TMEM232: variants seen among roughly 807,000 people sequenced by gnomAD.
The protein encoded by TMEM232 is transmembrane protein 232.
TMEM232 carries 80 observed loss-of-function variants against 78.8 expected under a neutral mutation model. That is an observed-to-expected ratio of 1.01 (90% confidence interval 0.85 to 1.22). The LOEUF (loss-of-function observed/expected upper bound fraction) is 1.22. TMEM232 is among the 50% of genes most tolerant of loss of function. The pLI, the probability that TMEM232 is intolerant of heterozygous loss-of-function variation, is 0.00. For missense variants in TMEM232, 881 were observed against 742.2 expected (o/e 1.19, Z -2.17); for synonymous variants, 297 against 254.3 (o/e 1.17, Z -1.60).
intron 10 of TMEM232, among the ~76,000 whole-genome samples, chr5:110,570,774 A>G (rs778800310): frequency 1.3e-5 from 2 of 151,952 alleles, no homozygotes; most frequent in African/African-American, 2.4e-5. Context: ...AAATCTCATT[A>G]TGTTACTTCT....
At chr5:110,701,625 A>G (rs1795449001) in intron 1 of TMEM232, among the ~76,000 whole-genome samples, 2 of 152,052 alleles carry the variant, frequency 1.3e-5, no homozygotes, top group Non-Finnish European at 2.9e-5. Flanking sequence ...TCTTTAGCAT[A>G]CCAATAGACC....
Position 110,423,389 on chromosome 5 carries a change from T to C in TMEM232, c.1797+1434A>G, listed in dbSNP as rs375654442. On this transcript the variant is annotated intron_variant, in intron 13 of 13. Coordinates refer to ENST00000455884, the MANE Select transcript of TMEM232 (RefSeq NM_001039763.4). ...ACTGCAAGAGCATTTTTGTAAAGCA[T>C]AAAGTATAAATACAAAACACTATTG... Among the ~76,000 whole-genome samples, 319 of 152,258 alleles carry C rather than the reference T, an allele frequency of 2.1e-3. 2 individuals carry two copies. Among genetic ancestry groups the C allele is most frequent in the African/African-American group, 7.0e-3 (292 of 41,568 alleles).
At chr5:110,478,897 A>ATTTTTTTTTTTTTTTT (rs746104997) in intron 12 of TMEM232, among the ~76,000 whole-genome samples, 4 of 111,816 alleles carry the variant, frequency 3.6e-5, no homozygotes, top group Admixed American at 9.4e-5. Flanking sequence ...GGAGAAATTG[A>ATTTTTTTTTTTTTTTT]TTTTTTTTTT....
chr5:110,546,250 G>A (rs1298568581), intron 11 of TMEM232, among the ~76,000 whole-genome samples: 3 of 152,030 alleles, frequency 2.0e-5, no homozygotes, highest in South Asian at 2.1e-4. Flanking sequence ...AAAGAAAGTC[G>A]ATAATGTAGA....
intron 2 of TMEM232, among the ~76,000 whole-genome samples, chr5:110,665,176 C>T (rs1013225059): frequency 1.3e-5 from 2 of 152,126 alleles, no homozygotes; most frequent in Non-Finnish European, 2.9e-5. Context: ...AAAAATCACA[C>T]ACAATTTTTA....
intron 8 of TMEM232, among the ~76,000 whole-genome samples, chr5:110,609,943 C>G (rs567280138): frequency 2.0e-5 from 3 of 151,908 alleles, no homozygotes; most frequent in African/African-American, 7.2e-5. Flanking sequence ...CTTACAGGAA[C>G]CAGAAGTTAT....
At chr5:110,403,625 G>A (rs569965923) in intron 2 of TMEM232, among the ~76,000 whole-genome samples, 43 of 152,166 alleles carry the variant, frequency 2.8e-4, no homozygotes, top group Middle Eastern at 3.4e-3. Flanking sequence ...CTTTATGCTG[G>A]AGGGAAGAAT....
intron 5 of TMEM232, among the ~76,000 whole-genome samples, chr5:110,629,623 T>A (rs1457719239): frequency 6.6e-6 from 1 of 152,150 alleles, no homozygotes. Flanking sequence ...CTTTACCTCC[T>A]TCTTCTCTCT....
chr5:110,644,487 A>G (rs1185897063), intron 2 of TMEM232, among the ~76,000 whole-genome samples: 2 of 151,878 alleles, frequency 1.3e-5, no homozygotes, highest in Non-Finnish European at 2.9e-5. Flanking sequence ...ACTGCTTCCA[A>G]TTCGAACTGT....
At chr5:110,563,929 T>A (rs1416306288) in intron 11 of TMEM232, among the ~76,000 whole-genome samples, 1 of 151,980 alleles carries the variant, frequency 6.6e-6, no homozygotes, top group Admixed American at 6.6e-5. Flanking sequence ...ATGAACTTCT[T>A]GTGTTTAGAT....
In TMEM232 at chr5:110,496,376, T is replaced by C. The variant is rs1440858334; in HGVS notation, c.1703+32212A>G. On this transcript the variant is annotated intron_variant, in intron 12 of 13. Coordinates refer to ENST00000455884, the MANE Select transcript of TMEM232 (RefSeq NM_001039763.4). ...AAGCTCATGAACACTATTACTCATC[T>C]AGATTTTGAAATTAGAATAACGTAA... Among the ~76,000 whole-genome samples, 4 of 152,058 alleles carry C rather than the reference T, an allele frequency of 2.6e-5. No homozygotes were observed. In the East Asian group the frequency reaches 7.7e-4, roughly 29 times the overall value.
chr5:110,413,824 T>C (rs1756087080), intron 2 of TMEM232, among the ~76,000 whole-genome samples: 1 of 152,184 alleles, frequency 6.6e-6, no homozygotes, highest in African/African-American at 2.4e-5. Context: ...TGAACAGAAA[T>C]TATTGTTCTA....
intron 1 of TMEM232, among the ~76,000 whole-genome samples, chr5:110,705,708 G>GTA (rs60017669): frequency 0.088 from 9,397 of 106,420 alleles, 333 homozygotes; most frequent in Admixed American, 0.14. Context: ...ATATGTGTGT[G>GTA]TATATATATA....
Position 110,528,577 on chromosome 5 carries a change from C to G in TMEM232, c.1703+11G>C. On this transcript the variant is annotated intron_variant, in intron 12 of 13. Transcript: ENST00000455884. Reference sequence around the variant, plus strand: ...TATTAGAACAATAAAACCGATAGTACTTCTCTTTACCTTACAGTGAAATGT... The same window carrying G: ...TATTAGAACAATAAAACCGATAGTAGTTCTCTTTACCTTACAGTGAAATGT... The G allele has an allele frequency of 6.6e-7, 1 of 1,518,452 alleles. No homozygotes were observed. Among genetic ancestry groups the G allele is most frequent in the South Asian group, 1.3e-5 (1 of 79,808 alleles). 94.1% of individuals were successfully genotyped at this position (1,518,452 alleles called of 1,614,324 possible).
At chr5:110,511,625 A>T (rs1443922372) in intron 12 of TMEM232, among the ~76,000 whole-genome samples, 2 of 151,966 alleles carry the variant, frequency 1.3e-5, no homozygotes, top group East Asian at 3.9e-4. Flanking sequence ...TTGACTACCT[A>T]ATTTCTCATA....
intron 11 of TMEM232, among the ~76,000 whole-genome samples, chr5:110,562,683 A>G (rs769125168): frequency 9.2e-5 from 14 of 152,100 alleles, no homozygotes; most frequent in Non-Finnish European, 1.9e-4. Context: ...GTTATGTTTT[A>G]CACTTCTTTG....
At chr5:110,406,471 A>G (rs1051676224) in intron 2 of TMEM232, among the ~76,000 whole-genome samples, 2 of 152,038 alleles carry the variant, frequency 1.3e-5, no homozygotes, top group Admixed American at 1.3e-4. Context: ...CCAATTACTG[A>G]TTCATATGGT....
intron 11 of TMEM232, among the ~76,000 whole-genome samples, chr5:110,538,012 C>T (rs1490179856): frequency 6.6e-6 from 1 of 152,176 alleles, no homozygotes; most frequent in Admixed American, 6.5e-5. Context: ...ACAGTCTCCA[C>T]TATTGATCCT....
chr5:110,417,826 C>CCTGATGCCGGAGA (rs1756301772), downstream of TMEM232: 1 of 152,060 alleles, frequency 6.6e-6, no homozygotes, highest in African/African-American at 2.4e-5. Context: ...ACAGGAAGCA[C>CCTGATGCCGGAGA]ATCAGGAAGA....
Sources: allele counts gnomAD v4.1 joint callset (sites outside exome capture counted in the v4.1 genomes callset), GRCh38; gene constraint gnomAD v4.1.1; transcripts MANE v1.5; gene names NCBI Gene and HGNC (gene_info 2026-07-23, HGNC 2026-07-21).